The following TCF4 variants were observed in gnomAD, a reference collection of about 807,000 sequenced individuals.
The protein encoded by TCF4 is transcription factor 4.
Under a neutral mutation model 82.1 loss-of-function variants are expected in TCF4, and 3 were observed. The ratio of observed to expected loss-of-function variants is 0.04; its 90% CI spans 0.02 to 0.09. The LOEUF is 0.09. Ranked by LOEUF, TCF4 falls within the 10% of genes least tolerant of loss-of-function variation. TCF4 has a pLI of 1.00. For missense variants in TCF4, 518 were observed against 852.7 expected (o/e 0.61, Z 4.89); for synonymous variants, 276 against 309.6 (o/e 0.89, Z 1.14).
At chr18:55,317,270 A>AG (rs1365096842) in intron 8 of TCF4, among the ~76,000 whole-genome samples, 1 of 152,068 alleles carries the variant, frequency 6.6e-6, no homozygotes, top group East Asian at 1.9e-4. Flanking sequence ...TTATTGAACC[A>AG]GTGGGGAATT....
intron 1 of TCF4, among the ~76,000 whole-genome samples, chr18:55,632,039 T>TTG (rs1568510420): frequency 3.9e-5 from 6 of 152,122 alleles, no homozygotes; most frequent in Admixed American, 1.3e-4. Flanking sequence ...TGTTGTTGTT[T>TTG]TTGTTTTGTT....
In TCF4 at chr18:55,350,626, A is replaced by G. The variant is rs141466279; in HGVS notation, c.500-218T>C. Reference sequence around the variant, plus strand: ...CTTTTTGCTACTTTGATCTTTTAATAGCTTCCTTATGGGTGCAGCTAAGAG... The same window carrying G: ...CTTTTTGCTACTTTGATCTTTTAATGGCTTCCTTATGGGTGCAGCTAAGAG... On this transcript the variant is annotated intron_variant, in intron 7 of 19. Transcript: ENST00000354452. Among the ~76,000 whole-genome samples the G allele has an allele frequency of 1.3e-3, 198 of 152,248 alleles. 1 individual carries two copies. The highest frequency in any genetic ancestry group is 4.3e-3 in the African/African-American group (180 of 41,560).
At chr18:55,477,102 C>A (rs2096307152) in intron 3 of TCF4, among the ~76,000 whole-genome samples, 1 of 152,192 alleles carries the variant, frequency 6.6e-6, no homozygotes, top group African/African-American at 2.4e-5. Flanking sequence ...AGGAGTCTGA[C>A]TGGTCATTTG....
intron 1 of TCF4, chr18:55,631,412 G>T: frequency 6.5e-7 from 1 of 1,542,712 alleles, no homozygotes; most frequent in South Asian, 1.2e-5. Flanking sequence ...AAAAGATGGT[G>T]GACATGTTAG....
intron 8 of TCF4, chr18:55,322,111 T>C (rs1329631275): frequency 1.8e-5 from 19 of 1,070,556 alleles, no homozygotes; most frequent in Non-Finnish European, 1.9e-5. Flanking sequence ...TTTCCTTTTT[T>C]TTTTTTTTTT....
intron 2 of TCF4, among the ~76,000 whole-genome samples, chr18:55,615,142 G>A (rs2097710614): frequency 6.6e-6 from 1 of 152,010 alleles, no homozygotes; most frequent in Non-Finnish European, 1.5e-5. Context: ...TTTTCATTGG[G>A]ACCATGTTGA....
intron 6 of TCF4, among the ~76,000 whole-genome samples, chr18:55,355,499 T>C (rs1034683376): frequency 2.0e-5 from 3 of 152,060 alleles, no homozygotes; most frequent in Non-Finnish European, 2.9e-5. Flanking sequence ...GGGCGATAAT[T>C]TTGCTGCTGT....
rs575128313 is a variant in TCF4, at chr18:55,381,337, T to C, written c.369+22117A>G. Among the ~76,000 whole-genome samples, 11 of 152,348 alleles carry C rather than the reference T, an allele frequency of 7.2e-5. No homozygotes were observed. The East Asian group carries it at 1.9e-3, about 27-fold the overall frequency. ...ATTTCAAAGGTGAAAACACCCAGGT[T>C]TGGAGAACTATCACAACCAGGCCAA... On this transcript the variant is annotated intron_variant, in intron 6 of 19. Transcript: ENST00000354452.
chr18:55,510,391 TTA>T (rs1332529234), intron 3 of TCF4, among the ~76,000 whole-genome samples: 1 of 152,144 alleles, frequency 6.6e-6, no homozygotes, highest in Non-Finnish European at 1.5e-5. Flanking sequence ...ACTTTCTCAT[TTA>T]TATGTGTCCA....
intron 3 of TCF4, among the ~76,000 whole-genome samples, chr18:55,506,228 G>C (rs1568260916): frequency 1.3e-5 from 2 of 152,154 alleles, no homozygotes; most frequent in South Asian, 2.1e-4. Context: ...TCAAACAGCA[G>C]CAGTTTCTCT....
chr18:55,543,411 C>G (rs1345527118), intron 3 of TCF4, among the ~76,000 whole-genome samples: 1 of 152,024 alleles, frequency 6.6e-6, no homozygotes, highest in African/African-American at 2.4e-5. Flanking sequence ...CTTATCTTCC[C>G]TAACAAAAAT....
intron 3 of TCF4, among the ~76,000 whole-genome samples, chr18:55,491,339 G>A (rs1246209956): frequency 6.6e-6 from 1 of 151,940 alleles, no homozygotes; most frequent in East Asian, 1.9e-4. Flanking sequence ...TTTAAACAGG[G>A]GTGCAAAGGA....
chr18:55,249,723 T>C lies in TCF4; in HGVS notation c.1350+4774A>G, dbSNP rs118160137. ...AAATAGACTTTAAACAAGAAGGATC[T>C]GAGAGCTACACTAATGCGATATATG... is the stretch of plus-strand genomic sequence containing the variant. On this transcript the variant is annotated intron_variant, in intron 15 of 19. Transcript: ENST00000354452. Among the ~76,000 whole-genome samples, 126 of 152,304 alleles carry C rather than the reference T, an allele frequency of 8.3e-4. No homozygotes were observed. The East Asian group carries it at 0.017, about 21-fold the overall frequency.
intron 3 of TCF4, among the ~76,000 whole-genome samples, chr18:55,543,772 T>C (rs1164939756): frequency 6.6e-6 from 1 of 152,158 alleles, no homozygotes; most frequent in Non-Finnish European, 1.5e-5. Flanking sequence ...ACATAGTGTA[T>C]TTCTATAGCT....
At chr18:55,377,203 C>T (rs1338776277) in intron 6 of TCF4, among the ~76,000 whole-genome samples, 6 of 152,296 alleles carry the variant, frequency 3.9e-5, no homozygotes, top group East Asian at 3.9e-4. Context: ...GATAAAGATG[C>T]CCAATGGAAA....
At chr18:55,319,728 A>G (rs921382827) in intron 8 of TCF4, among the ~76,000 whole-genome samples, 4 of 152,042 alleles carry the variant, frequency 2.6e-5, no homozygotes, top group Admixed American at 1.3e-4. Flanking sequence ...CTGAGAGGGC[A>G]TATTAGTGAT....
At chr18:55,587,003 T>C in intron 2 of TCF4, 42 bp downstream of exon 2, 1 of 1,583,692 alleles carries the variant, frequency 6.3e-7, no homozygotes, top group African/African-American at 1.3e-5. Flanking sequence ...TTTTGTTTTG[T>C]TTTTTTCACA....
intron 15 of TCF4, among the ~76,000 whole-genome samples, chr18:55,252,573 C>T (rs1318130004): frequency 6.6e-6 from 1 of 151,992 alleles, no homozygotes; most frequent in African/African-American, 2.4e-5. Flanking sequence ...ATTCAAAGGT[C>T]AAATAGTCCC....
At chr18:55,432,062 G>A (rs1251675177) in intron 5 of TCF4, among the ~76,000 whole-genome samples, 1 of 152,214 alleles carries the variant, frequency 6.6e-6, no homozygotes, top group African/African-American at 2.4e-5. Flanking sequence ...AGCACTTTGG[G>A]AGGCCAAGGT....
Sources: allele counts gnomAD v4.1 joint callset (sites outside exome capture counted in the v4.1 genomes callset), GRCh38; gene constraint gnomAD v4.1.1; transcripts MANE v1.5; gene names NCBI Gene and HGNC (gene_info 2026-07-23, HGNC 2026-07-21).